HCK: variants seen among roughly 807,000 people sequenced by gnomAD.
The protein encoded by HCK is HCK proto-oncogene, Src family tyrosine kinase.
HCK carries 40 observed loss-of-function variants against 70.4 expected under a neutral mutation model. That is an observed-to-expected ratio of 0.57 (90% confidence interval 0.44 to 0.74). HCK has a LOEUF of 0.74. Ranked by LOEUF, HCK falls within the 30% of genes least tolerant of loss-of-function variation. HCK has a pLI of 0.00. For missense variants in HCK, 568 were observed against 697.2 expected, an observed-to-expected ratio of 0.81 and a Z score of 2.09; for synonymous variants, 245 against 263.2, an observed-to-expected ratio of 0.93 and a Z score of 0.67.
At chr20:32,060,103 G>A (rs905335410) in intron 1 of HCK, among the ~76,000 whole-genome samples, 6 of 152,100 alleles carry the variant, frequency 3.9e-5, no homozygotes, top group Non-Finnish European at 8.8e-5. Flanking sequence ...GTCTGGAGGG[G>A]GAAACTTCCA....
intron 11 of HCK, among the ~76,000 whole-genome samples, chr20:32,095,852 G>T (rs1000129920): frequency 6.7e-6 from 1 of 150,366 alleles, no homozygotes; most frequent in African/African-American, 2.4e-5. Context: ...GTTTCTGTTA[G>T]CCTAATATTT....
intron 1 of HCK, among the ~76,000 whole-genome samples, chr20:32,057,792 A>G (rs1472717931): frequency 6.6e-6 from 1 of 152,032 alleles, no homozygotes; most frequent in Non-Finnish European, 1.5e-5. Flanking sequence ...ACCCCACCAC[A>G]TGCACCAACC....
intron 1 of HCK, chr20:32,069,803 T>C (rs2045512073): frequency 8.0e-7 from 1 of 1,243,300 alleles, no homozygotes; most frequent in Admixed American, 2.6e-5. Flanking sequence ...AAGTAACTCA[T>C]CTAAGCCTAG....
chr20:32,093,533 G>A (rs1001581603), intron 10 of HCK, among the ~76,000 whole-genome samples: 4 of 151,672 alleles, frequency 2.6e-5, no homozygotes, highest in East Asian at 3.9e-4. Flanking sequence ...GCATGTGCAC[G>A]TGTGTGTGTA....
chr20:32,080,142 A>G (rs556639923), intron 6 of HCK, among the ~76,000 whole-genome samples: 66 of 152,244 alleles, frequency 4.3e-4, no homozygotes, highest in African/African-American at 1.3e-3. Context: ...ACAAAGAAAC[A>G]TCCAGCTGAA....
intron 5 of HCK, among the ~76,000 whole-genome samples, chr20:32,078,259 A>G (rs1320623173): frequency 3.6e-5 from 5 of 139,292 alleles, no homozygotes; most frequent in Non-Finnish European, 7.9e-5. Flanking sequence ...GTTAGCCAGG[A>G]TGGTCTCGAA....
chr20:32,054,985 A>G (rs912898220), intron 1 of HCK, among the ~76,000 whole-genome samples: 1 of 151,902 alleles, frequency 6.6e-6, no homozygotes, highest in African/African-American at 2.4e-5. Flanking sequence ...GTATCCCAGC[A>G]GGTAACGACT....
At chr20:32,077,196 A>G (rs1600724408) in intron 5 of HCK, among the ~76,000 whole-genome samples, 2 of 152,230 alleles carry the variant, frequency 1.3e-5, no homozygotes, top group Non-Finnish European at 1.5e-5. Flanking sequence ...TCTGGGGAGC[A>G]CAACTGGGAC....
intron 6 of HCK, among the ~76,000 whole-genome samples, chr20:32,083,433 T>A (rs2045735002): frequency 6.6e-6 from 1 of 152,052 alleles, no homozygotes; most frequent in Non-Finnish European, 1.5e-5. Flanking sequence ...ATAGCCTGAG[T>A]TTTTATGAAA....
At chr20:32,094,776 A>G (rs1202920979) in intron 11 of HCK, among the ~76,000 whole-genome samples, 3 of 114,600 alleles carry the variant, frequency 2.6e-5, no homozygotes, top group African/African-American at 1.1e-4. Context: ...AAAGAAAGAA[A>G]GAGAGAGAAA....
intron 1 of HCK, among the ~76,000 whole-genome samples, chr20:32,059,609 C>T (rs530582107): frequency 1.4e-4 from 21 of 151,848 alleles, no homozygotes; most frequent in East Asian, 1.9e-4. Context: ...CAACCTCCTG[C>T]GCTCAAGCGA....
chr20:32,055,005 TTC>T (rs1275958113), intron 1 of HCK, among the ~76,000 whole-genome samples: 1 of 152,208 alleles, frequency 6.6e-6, no homozygotes, highest in Non-Finnish European at 1.5e-5. Flanking sequence ...TCTACAGTAT[TTC>T]TCTTTCCCCT....
Position 32,073,789 on chromosome 20 carries a change from G to A in HCK, c.300G>A (p.Gln100=). 1.3e-6 allele frequency: 2 copies of A among 1,554,466 alleles called. No homozygotes were observed. The highest frequency in any genetic ancestry group is 1.7e-6 in the Non-Finnish European group (2 of 1,148,136). Residue 100 remains glutamine, a synonymous_variant, in exon 4 of 13, where the codon CAG becomes CAA. Coordinates refer to ENST00000375852, the MANE Select transcript of HCK (RefSeq NM_002110.5). ...TTCACCACGAAGACCTCAGCTTCCA[G>A]AAGGGGGACCAGATGGTGGTCCTAG...
At chr20:32,099,234 A>G (rs532014401) in intron 12 of HCK, 99 bp downstream of exon 12, 2 of 1,261,016 alleles carry the variant, frequency 1.6e-6, no homozygotes, top group South Asian at 2.8e-5. Flanking sequence ...CTTGATCCTC[A>G]CCCCCAACCT....
intron 1 of HCK, among the ~76,000 whole-genome samples, chr20:32,064,713 C>T (rs1447280644): frequency 2.6e-5 from 4 of 152,198 alleles, no homozygotes; most frequent in South Asian, 2.1e-4. Flanking sequence ...AGGCAGGCCC[C>T]GGCCTCTCCC....
chr20:32,072,020 C>T (rs1467551536), intron 2 of HCK: 6 of 533,148 alleles, frequency 1.1e-5, no homozygotes, highest in Non-Finnish European at 1.6e-5. Context: ...GCCTGAGCTC[C>T]ACCAAACAGG....
rs1054660880 is a variant in HCK at position 32,086,225 on chromosome 20, T to C, written c.836-403T>C. 5.9e-5 allele frequency among the ~76,000 whole-genome samples: 9 copies of C among 152,344 alleles called. No homozygotes were observed. In the South Asian group the frequency reaches 8.3e-4, roughly 14 times the overall value. On this transcript the variant is annotated intron_variant, in intron 8 of 12. Transcript: ENST00000375852. ...TAGTAGAGACGGGGTTTCACCGTGT[T>C]AGCCAGGATGGTCTCGATCTCCTGA...
intron 1 of HCK, among the ~76,000 whole-genome samples, chr20:32,067,918 T>C (rs2045483508): frequency 6.6e-6 from 1 of 152,210 alleles, no homozygotes; most frequent in East Asian, 1.9e-4. Context: ...ATAATTTTGA[T>C]ATATTGGGTA....
intron 5 of HCK, among the ~76,000 whole-genome samples, chr20:32,078,881 G>T (rs1181247247): frequency 2.3e-4 from 21 of 91,064 alleles, no homozygotes; most frequent in Admixed American, 3.1e-4. Context: ...AAAAAAAAAG[G>T]GGGGGAATGA....
Sources: allele counts gnomAD v4.1 joint callset (sites outside exome capture counted in the v4.1 genomes callset), GRCh38; gene constraint gnomAD v4.1.1; transcripts MANE v1.5; gene names NCBI Gene and HGNC (gene_info 2026-07-23, HGNC 2026-07-21).